The following GCFC2 variants were observed in gnomAD, a reference collection of about 807,000 sequenced individuals.
The protein encoded by GCFC2 is intron Large complex component GCFC2.
A neutral mutation model predicts 99.4 loss-of-function variants in GCFC2; 102 were observed. The observed-to-expected ratio is 1.03, with a 90% CI of 0.87 to 1.21. GCFC2 has a LOEUF of 1.21. Ranked by LOEUF, GCFC2 falls within the 50% of genes most tolerant of loss-of-function variation. The probability of loss-of-function intolerance (pLI) is 0.00; values close to 1 mark genes in which losing one functional copy is unlikely to be tolerated. For synonymous variants in GCFC2, 338 were observed against 316.8 expected, an observed-to-expected ratio of 1.07 and a Z score of -0.71; for missense variants, 973 against 920.9, an observed-to-expected ratio of 1.06 and a Z score of -0.73.
chr2:75,668,053 G>C (rs1365832576), intron 15 of GCFC2, among the ~76,000 whole-genome samples: 2 of 152,144 alleles, frequency 1.3e-5, no homozygotes, highest in Non-Finnish European at 2.9e-5. Flanking sequence ...ACATTAAAGA[G>C]CTAGAGAAAC....
At chr2:75,686,325 T>G (rs1679814320) in intron 11 of GCFC2, among the ~76,000 whole-genome samples, 1 of 152,208 alleles carries the variant, frequency 6.6e-6, no homozygotes, top group South Asian at 2.1e-4. Context: ...GGTCTGGAAC[T>G]CCTGTGCTCA....
upstream of GCFC2, chr2:75,711,249 T>C (rs940713289): frequency 4.1e-6 from 4 of 982,758 alleles, no homozygotes; most frequent in Non-Finnish European, 4.8e-6. Context: ...TCTTTTACTT[T>C]CTGGAGAGAG....
Position 75,687,893 on chromosome 2 carries a change from C to A in GCFC2, c.1624G>T (p.Glu542Ter). The A allele has an allele frequency of 1.2e-6, 2 of 1,605,122 alleles. No individual in the cohort carries two copies. The highest frequency in any genetic ancestry group is 1.7e-6 in the Non-Finnish European group (2 of 1,172,966). The change falls in exon 11 of 17, where the codon GAA becomes TAA. Residue 542 changes from glutamate (E) to a stop codon, truncating the protein, a stop_gained. Coordinates refer to ENST00000321027, the MANE Select transcript of GCFC2 (RefSeq NM_003203.5). LOFTEE classifies it high-confidence loss of function. ...AAGACTTTTTTATCTGAACTACTTT[C>A]CTTCTTTGAATCTTCCACACTGCTA... is the stretch of plus-strand genomic sequence containing the variant. ...MDSSVEDSKK[E>*]SSSDKKVLSA...
rs1204802819 is a variant in GCFC2 at position 75,689,052 on chromosome 2, G to A, written c.1513C>T (p.Gln505Ter). The change falls in exon 10 of 17, where the codon CAG becomes TAG. Residue 505 changes from glutamine (Q) to a stop codon, truncating the protein, a stop_gained. Transcript: ENST00000321027. LOFTEE classifies it high-confidence loss of function. ...TTAAGAGGATTCCAATCAATCAACT[G>A]AACTCGTATTAGGGGATTTAAAAGC... ...PKLLNPLIRV[Q>*]LIDWNPLKLE... The A allele has an allele frequency of 6.3e-7, 1 of 1,576,122 alleles. No individual in the cohort carries two copies. Among genetic ancestry groups the A allele is most frequent in the Non-Finnish European group, 8.7e-7 (1 of 1,151,660 alleles).
intron 12 of GCFC2, among the ~76,000 whole-genome samples, chr2:75,678,614 C>A (rs965033192): frequency 6.6e-6 from 1 of 152,166 alleles, no homozygotes; most frequent in Non-Finnish European, 1.5e-5. Flanking sequence ...CTATGCTGCT[C>A]AAGGGGAGGC....
At chr2:75,675,759 CA>C (rs1223529153) in intron 12 of GCFC2, among the ~76,000 whole-genome samples, 1 of 106,530 alleles carries the variant, frequency 9.4e-6, no homozygotes, top group South Asian at 2.6e-4. Flanking sequence ...AAAAAAAAAA[CA>C]AAAAAAAGAA....
upstream of GCFC2, among the ~76,000 whole-genome samples, chr2:75,712,437 A>G (rs1413373268): frequency 6.6e-6 from 1 of 152,054 alleles, no homozygotes; most frequent in African/African-American, 2.4e-5. Flanking sequence ...GAACTTTTGT[A>G]TCTAGCTCAG....
intron 7 of GCFC2, among the ~76,000 whole-genome samples, 195 bp downstream of exon 7, chr2:75,691,778 GTTTA>G (rs1680081534): frequency 6.6e-6 from 1 of 152,070 alleles, no homozygotes; most frequent in Non-Finnish European, 1.5e-5. Context: ...TGGAAGTCAT[GTTTA>G]TTTTTGAGTC....
rs2104422582 is a variant in GCFC2 at position 75,706,522 on chromosome 2, C to A, written c.394+1G>T. ...TAACCAAAATCATACAAATTACTAA[C>A]CTGTTGATGAAAGTTCTTTTTCTCC... On this transcript the variant is annotated splice_donor_variant, in intron 2 of 16. Coordinates refer to ENST00000321027, the MANE Select transcript of GCFC2 (RefSeq NM_003203.5). LOFTEE classifies it high-confidence loss of function. 1 of 1,570,714 alleles carries A rather than the reference C, an allele frequency of 6.4e-7. No individual in the cohort carries two copies. Among genetic ancestry groups the A allele is most frequent in the East Asian group, 2.2e-5 (1 of 44,554 alleles).
rs1041674387 is a variant in GCFC2 at position 75,701,998 on chromosome 2, T to C, written c.619+201A>G. The stretch of plus-strand genomic sequence containing the variant: ...GTGGGAGGTCAGGCATTAATAAACA[T>C]TATTACACATACTCCTTGATAATAA... On this transcript the variant is annotated intron_variant, in intron 3 of 16. Coordinates refer to ENST00000321027, the MANE Select transcript of GCFC2 (RefSeq NM_003203.5). The C allele has an allele frequency of 6.5e-6, 9 of 1,375,534 alleles. No individual in the cohort carries two copies. The African/African-American group carries it at 1.2e-4, about 18-fold the overall frequency. The allele number at this position is 1,375,534 out of a possible 1,614,324, so 85.2% of individuals were successfully genotyped here. A position where few individuals can be genotyped will look rare whatever the true frequency, so the allele number is the denominator to read the frequency against.
intron 2 of GCFC2, among the ~76,000 whole-genome samples, chr2:75,703,701 G>C (rs1197702474): frequency 6.6e-6 from 1 of 152,108 alleles, no homozygotes; most frequent in East Asian, 1.9e-4. Context: ...CTCGACCCTG[G>C]CTACACATCA....
At chr2:75,698,984 C>G (rs867909597) in intron 4 of GCFC2, among the ~76,000 whole-genome samples, 3 of 150,902 alleles carry the variant, frequency 2.0e-5, no homozygotes, top group South Asian at 4.2e-4. Context: ...TGTACTCCAG[C>G]CTAGGCGACA....
intron 4 of GCFC2, among the ~76,000 whole-genome samples, chr2:75,699,953 C>T (rs1246760674): frequency 4.7e-5 from 7 of 149,804 alleles, no homozygotes; most frequent in African/African-American, 9.9e-5. Flanking sequence ...CACGCTGAAG[C>T]GCAGTGGCGT....
At chr2:75,709,633 A>G (rs1681038636) in intron 1 of GCFC2, among the ~76,000 whole-genome samples, 1 of 152,184 alleles carries the variant, frequency 6.6e-6, no homozygotes, top group South Asian at 2.1e-4. Context: ...ATTCTACAAC[A>G]CGGTGACTAA....
At chr2:75,695,492 G>C (rs1680269087) in intron 5 of GCFC2, among the ~76,000 whole-genome samples, 1 of 152,038 alleles carries the variant, frequency 6.6e-6, no homozygotes, top group African/African-American at 2.4e-5. Context: ...AAATAGAAAA[G>C]TAGAATTTTG....
chr2:75,670,272 T>C lies in GCFC2; in HGVS notation c.1969A>G (p.Ile657Val), dbSNP rs751660637. 1.2e-6 allele frequency: 2 copies of C among 1,603,152 alleles called. No homozygotes were observed. Among genetic ancestry groups the C allele is most frequent in the African/African-American group, 1.3e-5 (1 of 74,824 alleles). ...GTAAGGAGTCCATTCCAAAGAAGAATATTGCGGAAGAGCTAAAATAAAATA... is the reference window on the plus strand; with the variant it reads ...GTAAGGAGTCCATTCCAAAGAAGAACATTGCGGAAGAGCTAAAATAAAATA... ...FWSGLKLFRN[I>V]LLWNGLLTDD... Residue 657 changes from isoleucine to valine, a missense_variant, in exon 15 of 17, where the codon ATT becomes GTT. Physicochemically the swap from Ile to Val is conservative, Grantham distance 29. Transcript: ENST00000321027.
chr2:75,702,182 T>C lies in GCFC2; in HGVS notation c.619+17A>G, dbSNP rs374961490. The C allele has an allele frequency of 6.9e-6, 11 of 1,595,218 alleles. No homozygotes were observed. The highest frequency in any genetic ancestry group is 9.4e-6 in the Non-Finnish European group (11 of 1,164,944). ...AATAAAAAATATCCTAATCTTCATA[T>C]ATTGGTAAATCCATACTTGATTCCT... On this transcript the variant is annotated intron_variant, in intron 3 of 16. Transcript: ENST00000321027.
At position 75,692,072 on chromosome 2, in the gene GCFC2, G is replaced by C; in HGVS notation, c.1049C>G (p.Ser350Cys). 6.6e-7 allele frequency: 1 copy of C among 1,510,262 alleles called. No homozygotes were observed. Among genetic ancestry groups the C allele is most frequent in the Non-Finnish European group, 9.0e-7 (1 of 1,115,924 alleles). The allele number at this position is 1,510,262 out of a possible 1,614,324, so 93.6% of individuals were successfully genotyped here. A position where few individuals can be genotyped will look rare whatever the true frequency, so the allele number is the denominator to read the frequency against. The part of the protein sequence containing the change: ...KIINIQEIES[S>C]MHALLLKQAM... The stretch of plus-strand genomic sequence containing the variant: ...TTGTTTTAAAAGGAGTGCATGCATG[G>C]ATGATTCTATTTCTTGGATGTTGAT... Residue 350 changes from serine (S) to cysteine (C), a missense_variant, in exon 7 of 17, where the codon TCC becomes TGC. Ser to Cys is a moderately radical substitution (Grantham distance 112). Transcript: ENST00000321027.
At chr2:75,680,046 C>A in intron 12 of GCFC2, 147 bp downstream of exon 12, 1 of 596,700 alleles carries the variant, frequency 1.7e-6, no homozygotes. Context: ...GAGAAAAAGT[C>A]TAGTTTCTAT....
Sources: gnomAD v4.1 joint callset for allele counts (sites outside exome capture counted in the v4.1 genomes callset) on GRCh38, gnomAD v4.1.1 for gene constraint, MANE v1.5 for transcripts, NCBI Gene and HGNC (gene_info 2026-07-23, HGNC 2026-07-21) for gene names.